Variants in FHL5 observed in about 807,000 individuals in gnomAD.
FHL5 encodes four and a half LIM domains protein 5.
Under a neutral mutation model 32.0 loss-of-function variants are expected in FHL5, and 33 were observed. The observed-to-expected ratio is 1.03, with a 90% confidence interval of 0.78 to 1.38. The LOEUF (loss-of-function observed/expected upper bound fraction) is 1.38. Ranked by LOEUF, FHL5 falls within the 40% of genes most tolerant of loss-of-function variation. FHL5 has a pLI of 0.00. For missense variants in FHL5, 336 were observed against 343.9 expected (o/e 0.98, Z 0.18); for synonymous variants, 114 against 113.6 (o/e 1.00, Z -0.02).
chr6:96,567,825 C>CTTTTTTTTT (rs757441385), intron 1 of FHL5, among the ~76,000 whole-genome samples: 6 of 110,514 alleles, frequency 5.4e-5, no homozygotes, highest in Non-Finnish European at 7.4e-5. Flanking sequence ...TTTTTGTATT[C>CTTTTTTTTT]TTTTTTTTTT....
At chr6:96,602,263 G>A (rs1162185499) in intron 1 of FHL5, among the ~76,000 whole-genome samples, 2 of 151,772 alleles carry the variant, frequency 1.3e-5, no homozygotes, top group Non-Finnish European at 2.9e-5. Flanking sequence ...AAAATTATGT[G>A]GGGGGAGAAT....
At chr6:96,576,330 A>T (rs182377216) in intron 1 of FHL5, among the ~76,000 whole-genome samples, 1 of 152,326 alleles carries the variant, frequency 6.6e-6, no homozygotes, top group East Asian at 1.9e-4. Flanking sequence ...CTGCTGGCAA[A>T]CATAGTATCT....
chr6:96,618,561 C>T lies in FHL5; in HGVS notation c.*2789C>T, dbSNP rs116595255. 0.014 allele frequency among the ~76,000 whole-genome samples: 2,088 copies of T among 152,178 alleles called. 51 individuals carry two copies. Among genetic ancestry groups the T allele is most frequent in the African/African-American group, 0.041 (1,702 of 41,510 alleles). ...CTTTGTGGAATAGAACCAAAGAAAG[C>T]AAGGTTCCAAGGATTAAGTTTCTTA... is the stretch of plus-strand genomic sequence containing the variant. On this transcript the variant is annotated 3_prime_UTR_variant, in exon 6 of 6. Transcript: ENST00000450218.
At chr6:96,590,365 A>G (rs961697910) in intron 1 of FHL5, among the ~76,000 whole-genome samples, 2 of 151,934 alleles carry the variant, frequency 1.3e-5, no homozygotes, top group African/African-American at 4.8e-5. Context: ...ATACATTCTT[A>G]TTAGGTTTCT....
intron 1 of FHL5, among the ~76,000 whole-genome samples, chr6:96,596,661 A>G (rs1296348358): frequency 6.6e-6 from 1 of 151,936 alleles, no homozygotes; most frequent in Non-Finnish European, 1.5e-5. Context: ...GGTCTCATTC[A>G]GTCTCATAAC....
chr6:96,586,973 A>T (rs984314907), intron 1 of FHL5, among the ~76,000 whole-genome samples: 1 of 152,196 alleles, frequency 6.6e-6, no homozygotes, highest in Non-Finnish European at 1.5e-5. Flanking sequence ...CCGATCCTGA[A>T]GACAAAGCAC....
chr6:96,615,771 A>G lies in FHL5; in HGVS notation c.854A>G (p.Ter285TrpextTer52). 6.2e-7 allele frequency: 1 copy of G among 1,603,946 alleles called. No individual in the cohort carries two copies. The highest frequency in any genetic ancestry group is 8.5e-7 in the Non-Finnish European group (1 of 1,174,868). ...GGCTCCGGAATGGACACTGACATCT[A>G]GGAGACAGTCCTTGCCCACCTAAAA... ...KCGSGMDTDI[*>W] is the part of the protein sequence containing the mutation. Residue 285 changes from the stop codon to tryptophan (W), a stop_lost, in exon 6 of 6, where the codon TAG (stop) becomes TGG (tryptophan). Coordinates refer to ENST00000450218, the MANE Select transcript of FHL5 (RefSeq NM_001322466.2).
intron 5 of FHL5, among the ~76,000 whole-genome samples, chr6:96,612,535 T>C (rs1771432544): frequency 1.3e-5 from 2 of 152,188 alleles, no homozygotes; most frequent in African/African-American, 4.8e-5. Context: ...AAGTGATTTT[T>C]TTCATAGATT....
chr6:96,602,450 TTTTTTTTTTTTTTTG>T (rs1771173380), intron 1 of FHL5, among the ~76,000 whole-genome samples: 1 of 120,318 alleles, frequency 8.3e-6, no homozygotes, highest in Non-Finnish European at 1.7e-5. Context: ...TTTTTTTTTT[TTTTTTTTTTTTTTTG>T]AGACGGAGTC....
At position 96,605,277 on chromosome 6, in the gene FHL5, T is replaced by C. The variant is rs573418673; in HGVS notation, c.334+353T>C. On this transcript the variant is annotated intron_variant, in intron 3 of 5. Coordinates refer to ENST00000450218, the MANE Select transcript of FHL5 (RefSeq NM_001322466.2). ...AGAAAGAGTGATTCATCATAGGCGA[T>C]TGGGGCCAACTGCCATTTTGTAGCT... Among the ~76,000 whole-genome samples, 45 of 152,318 alleles carry C rather than the reference T, an allele frequency of 3.0e-4. No individual in the cohort carries two copies. In the East Asian group the frequency reaches 4.0e-3, roughly 14 times the overall value.
At chr6:96,588,193 T>G (rs1034363305) in intron 1 of FHL5, among the ~76,000 whole-genome samples, 4 of 152,226 alleles carry the variant, frequency 2.6e-5, no homozygotes, top group Admixed American at 1.3e-4. Context: ...TTTCAACACG[T>G]AAGAGTTCCT....
chr6:96,599,270 A>G (rs2971605), intron 1 of FHL5, among the ~76,000 whole-genome samples: 60,333 of 146,052 alleles, frequency 0.41, 12,888 homozygotes, highest in African/African-American at 0.56. Flanking sequence ...ATCTAGGCTC[A>G]CTGCAACCTT....
rs536323199 is a variant in FHL5, at chr6:96,597,314, GA to G, written c.-12-6286del. 2.9e-3 allele frequency among the ~76,000 whole-genome samples: 444 copies of G among 151,754 alleles called. 1 individual carries two copies. The highest frequency in any genetic ancestry group is 0.01 in the African/African-American group (422 of 41,354). ...TATTTTTATGATTTGTTTATTTAAT[GA>G]ATTTTCCCTTAAGGGGAATAGCTCA... On this transcript the variant is annotated intron_variant, in intron 1 of 5. Coordinates refer to ENST00000450218, the MANE Select transcript of FHL5 (RefSeq NM_001322466.2).
At chr6:96,612,766 A>G (rs560457051) in intron 5 of FHL5, among the ~76,000 whole-genome samples, 2 of 152,262 alleles carry the variant, frequency 1.3e-5, no homozygotes, top group South Asian at 4.2e-4. Context: ...TTTGTGATTG[A>G]GACACCAGAG....
rs1771557170 is a variant in FHL5 at position 96,618,027 on chromosome 6, G to A, written c.*2255G>A. The stretch of plus-strand genomic sequence containing the variant: ...GGAGGATGGATCATGGTATGGAAAT[G>A]CAGAAGTGCCTGATGCAAAGATCCT... On this transcript the variant is annotated 3_prime_UTR_variant, in exon 6 of 6. Coordinates refer to ENST00000450218, the MANE Select transcript of FHL5 (RefSeq NM_001322466.2). 6.6e-6 allele frequency among the ~76,000 whole-genome samples: 1 copy of A among 152,198 alleles called. No homozygotes were observed. The highest frequency in any genetic ancestry group is 2.4e-5 in the African/African-American group (1 of 41,456).
In FHL5 at chr6:96,582,740, A is replaced by G. The variant is rs963524740; in HGVS notation, c.-13+19385A>G. Among the ~76,000 whole-genome samples, 3 of 152,132 alleles carry G rather than the reference A, an allele frequency of 2.0e-5. No individual in the cohort carries two copies. In the South Asian group the frequency reaches 6.2e-4, roughly 31 times the overall value. On this transcript the variant is annotated intron_variant, in intron 1 of 5. Coordinates refer to ENST00000450218, the MANE Select transcript of FHL5 (RefSeq NM_001322466.2). ...ATATCAAACATTCCACCACAATTCT[A>G]TGATGCTTGTTTTAGGTTATTTTTG...
intron 1 of FHL5, among the ~76,000 whole-genome samples, chr6:96,576,629 A>G (rs994603933): frequency 6.6e-6 from 1 of 152,248 alleles, no homozygotes; most frequent in African/African-American, 2.4e-5. Context: ...GAGCTGTTTG[A>G]TAACATATAT....
chr6:96,611,623 AT>A (rs778239112), intron 5 of FHL5, among the ~76,000 whole-genome samples: 1 of 152,208 alleles, frequency 6.6e-6, no homozygotes, highest in Non-Finnish European at 1.5e-5. Context: ...ACATATTTCA[AT>A]TTTTAGTTGT....
At chr6:96,610,038 T>C (rs1213515911) in intron 4 of FHL5, among the ~76,000 whole-genome samples, 2 of 152,252 alleles carry the variant, frequency 1.3e-5, no homozygotes, top group African/African-American at 4.8e-5. Flanking sequence ...TTACTGCTGT[T>C]GGATATTCTT....
Sources: gnomAD v4.1 joint callset for allele counts (sites outside exome capture counted in the v4.1 genomes callset) on GRCh38, gnomAD v4.1.1 for gene constraint, MANE v1.5 for transcripts, NCBI Gene and HGNC (gene_info 2026-07-23, HGNC 2026-07-21) for gene names.